The following POU6F2 variants were observed in gnomAD, a reference collection of about 807,000 sequenced individuals.
POU6F2 encodes the protein POU domain, class 6, transcription factor 2.
Under a neutral mutation model 71.3 loss-of-function variants are expected in POU6F2, and 31 were observed. That is an observed-to-expected ratio of 0.43 (90% confidence interval 0.33 to 0.59). The LOEUF (loss-of-function observed/expected upper bound fraction) is 0.59, where lower values mean the gene tolerates loss of function less well. POU6F2 is among the 20% of genes least tolerant of loss of function. POU6F2 has a pLI of 0.04. For missense variants in POU6F2, 783 were observed against 856.8 expected (o/e 0.91, Z 1.07); for synonymous variants, 347 against 355.7 (o/e 0.98, Z 0.27).
chr7:39,256,228 A>AG (rs1042593305), intron 4 of POU6F2, among the ~76,000 whole-genome samples: 4 of 152,112 alleles, frequency 2.6e-5, no homozygotes, highest in Non-Finnish European at 4.4e-5. Flanking sequence ...CCTTTCATAA[A>AG]GCATGTGACC....
intron 2 of POU6F2, among the ~76,000 whole-genome samples, chr7:39,196,928 C>G (rs904412216): frequency 6.6e-6 from 1 of 152,168 alleles, no homozygotes; most frequent in East Asian, 1.9e-4. Flanking sequence ...GAATCGGCAG[C>G]GAGCTATGGG....
chr7:39,206,080 G>C lies in POU6F2; in HGVS notation c.370-1312G>C, dbSNP rs115490146. On this transcript the variant is annotated intron_variant, in intron 3 of 9. Coordinates refer to ENST00000518318, the MANE Select transcript of POU6F2 (RefSeq NM_001370959.1). ...GTAGATTAACTACAGCATTAGAATA[G>C]TGCCTGGCTATTATACATTGAGCTT... Among the ~76,000 whole-genome samples the C allele has an allele frequency of 9.0e-3, 1,373 of 152,300 alleles. 22 individuals carry two copies. Among genetic ancestry groups the C allele is most frequent in the African/African-American group, 0.031 (1,275 of 41,554 alleles).
chr7:39,414,403 G>T (rs1254983075), intron 6 of POU6F2, among the ~76,000 whole-genome samples: 3 of 152,180 alleles, frequency 2.0e-5, no homozygotes, highest in Non-Finnish European at 4.4e-5. Flanking sequence ...AGGATCCGAG[G>T]CGCTCGCTGA....
At chr7:39,233,658 T>C (rs1794618960) in intron 4 of POU6F2, among the ~76,000 whole-genome samples, 1 of 152,152 alleles carries the variant, frequency 6.6e-6, no homozygotes, top group South Asian at 2.1e-4. Context: ...ATGGCTGCAC[T>C]ACTAATGCCA....
intron 8 of POU6F2, among the ~76,000 whole-genome samples, chr7:39,453,530 G>A (rs1562558543): frequency 1.3e-5 from 2 of 152,220 alleles, no homozygotes. Flanking sequence ...TACTAATACA[G>A]TGTTTCACAC....
intron 5 of POU6F2, among the ~76,000 whole-genome samples, chr7:39,369,393 G>A (rs758354558): frequency 3.3e-5 from 5 of 151,632 alleles, no homozygotes; most frequent in Non-Finnish European, 7.4e-5. Flanking sequence ...ACAGAGTCTG[G>A]CTCTGTTGCC....
At chr7:39,157,199 C>T (rs1290060434) in intron 2 of POU6F2, among the ~76,000 whole-genome samples, 1 of 152,134 alleles carries the variant, frequency 6.6e-6, no homozygotes, top group South Asian at 2.1e-4. Context: ...GTTAATATTA[C>T]ATTAAGTACT....
chr7:39,129,943 T>A (rs1314728710), intron 2 of POU6F2, among the ~76,000 whole-genome samples: 1 of 151,738 alleles, frequency 6.6e-6, no homozygotes, highest in Non-Finnish European at 1.5e-5. Context: ...GGCAGGTGCC[T>A]GTAGTCCCAG....
chr7:39,463,547 G>C (rs919917861), intron 9 of POU6F2, among the ~76,000 whole-genome samples: 1 of 152,076 alleles, frequency 6.6e-6, no homozygotes, highest in Non-Finnish European at 1.5e-5. Flanking sequence ...CTGGAAAAAG[G>C]GCATGTTGTT....
rs117720926 is a variant in POU6F2 at position 39,251,914 on chromosome 7, A to G, written c.598+44294A>G. On this transcript the variant is annotated intron_variant, in intron 4 of 9. Coordinates refer to ENST00000518318, the MANE Select transcript of POU6F2 (RefSeq NM_001370959.1). ...CCTACCCTGAAGTTTGATCATAACCAGGGGAGAAAAGTAAAGGGACTCAAA... is the reference window on the plus strand; with the variant it reads ...CCTACCCTGAAGTTTGATCATAACCGGGGGAGAAAAGTAAAGGGACTCAAA... Among the ~76,000 whole-genome samples the G allele has an allele frequency of 6.9e-3, 1,057 of 152,218 alleles. 5 individuals are homozygous for G. The highest frequency in any genetic ancestry group is 9.4e-3 in the Non-Finnish European group (637 of 68,010).
chr7:39,158,440 G>T (rs891268201), intron 2 of POU6F2, among the ~76,000 whole-genome samples: 1 of 152,108 alleles, frequency 6.6e-6, no homozygotes, highest in Admixed American at 6.5e-5. Flanking sequence ...GACATATGTG[G>T]GTGTATTTAT....
chr7:39,169,789 A>G (rs1262126421), intron 2 of POU6F2, among the ~76,000 whole-genome samples: 1 of 152,170 alleles, frequency 6.6e-6, no homozygotes, highest in African/African-American at 2.4e-5. Context: ...CTCAGGATAA[A>G]ATATTTATAC....
intron 4 of POU6F2, among the ~76,000 whole-genome samples, chr7:39,333,515 G>C (rs1785701172): frequency 6.6e-6 from 1 of 152,062 alleles, no homozygotes; most frequent in African/African-American, 2.4e-5. Flanking sequence ...GAGGCAGGCA[G>C]ATCACGAGGT....
At chr7:39,015,677 CTATGTT>C (rs373639202) in intron 1 of POU6F2, among the ~76,000 whole-genome samples, 44 of 21,806 alleles carry the variant, frequency 2.0e-3, no homozygotes, top group African/African-American at 2.5e-3. Context: ...TATATTATAT[CTATGTT>C]ATATATCTAT....
intron 4 of POU6F2, among the ~76,000 whole-genome samples, chr7:39,312,867 C>T (rs1032763359): frequency 1.3e-5 from 2 of 152,090 alleles, no homozygotes; most frequent in Admixed American, 6.5e-5. Flanking sequence ...CAGAGTGGGA[C>T]GGTGTGAGAT....
rs1788931423 is a variant in POU6F2 at position 39,460,806 on chromosome 7, G to C, written c.1658+91G>C. On this transcript the variant is annotated intron_variant, in intron 9 of 9. Transcript: ENST00000518318. The surrounding 1 kb of genome is among the most constrained non-coding windows in gnomAD (Gnocchi z 4.4). The stretch of plus-strand genomic sequence containing the variant: ...AGCTTTTCTTCGTCGGGTGGGCAAA[G>C]CTGGAGGGGCAGAGAGTGGGAACAA... The C allele has an allele frequency of 2.2e-6, 3 of 1,375,894 alleles. No homozygotes were observed. Among genetic ancestry groups the C allele is most frequent in the Non-Finnish European group, 2.9e-6 (3 of 1,041,118 alleles). 85.2% of individuals were successfully genotyped at this position (1,375,894 alleles called of 1,614,324 possible).
intron 1 of POU6F2, among the ~76,000 whole-genome samples, chr7:39,031,056 G>A (rs766994332): frequency 2.0e-5 from 3 of 151,778 alleles, no homozygotes; most frequent in South Asian, 2.1e-4. Flanking sequence ...GCCCACCACC[G>A]CGTCTGGCTA....
chr7:39,416,002 A>C (rs975340956), intron 6 of POU6F2, among the ~76,000 whole-genome samples: 2 of 151,928 alleles, frequency 1.3e-5, no homozygotes, highest in Admixed American at 1.3e-4. Context: ...TTCCGCAGAC[A>C]TGTCACAAAC....
chr7:39,013,816 T>TGTAATATG (rs1449946875), intron 1 of POU6F2, among the ~76,000 whole-genome samples: 3 of 152,202 alleles, frequency 2.0e-5, no homozygotes, highest in African/African-American at 7.2e-5. Flanking sequence ...TATGTCATCT[T>TGTAATATG]TCCAACATCA....
Sources: allele counts gnomAD v4.1 joint callset (sites outside exome capture counted in the v4.1 genomes callset), GRCh38; gene constraint gnomAD v4.1.1; non-coding constraint Gnocchi (gnomAD v3.1); transcripts MANE v1.5; gene names NCBI Gene and HGNC (gene_info 2026-07-23, HGNC 2026-07-21).